OLFML2A: variants seen among roughly 807,000 people sequenced by gnomAD.
OLFML2A encodes olfactomedin-like protein 2A.
In OLFML2A, 47 loss-of-function variants were observed where a neutral mutation model predicts 60.9. That is an observed-to-expected ratio of 0.77 (90% CI 0.61 to 0.98). OLFML2A has a LOEUF of 0.98. Among genes scored for constraint, OLFML2A ranks in the 50% least tolerant of loss-of-function variants. The pLI is 0.00. For synonymous variants in OLFML2A, 372 were observed against 375.0 expected (o/e 0.99, Z 0.09); for missense variants, 922 against 879.8 (o/e 1.05, Z -0.61).
chr9:124,791,810 T>C (rs1215213065), intron 2 of OLFML2A, among the ~76,000 whole-genome samples: 2 of 152,154 alleles, frequency 1.3e-5, no homozygotes, highest in Admixed American at 6.5e-5. Context: ...TAGTGTTTTA[T>C]TGTGAGAGTC....
intron 6 of OLFML2A, among the ~76,000 whole-genome samples, chr9:124,805,915 A>G (rs1841889951): frequency 6.8e-6 from 1 of 147,448 alleles, no homozygotes. Context: ...TCCTGAGCTC[A>G]AGAGATTCTC....
chr9:124,778,587 G>A (rs1841302653), intron 1 of OLFML2A, among the ~76,000 whole-genome samples: 1 of 150,298 alleles, frequency 6.7e-6, no homozygotes, highest in Non-Finnish European at 1.5e-5. Flanking sequence ...AGTGGCACAA[G>A]ACCAGTCTAG....
chr9:124,803,979 G>T, intron 5 of OLFML2A, 115 bp from the exon 6 acceptor site: 1 of 1,189,078 alleles, frequency 8.4e-7, no homozygotes, highest in East Asian at 2.5e-5. Context: ...GCCCTGAGGA[G>T]GCCTCCCCCT....
intron 5 of OLFML2A, among the ~76,000 whole-genome samples, chr9:124,803,592 C>T (rs1841825269): frequency 6.6e-6 from 1 of 152,236 alleles, no homozygotes. Flanking sequence ...CATGCCGTCT[C>T]ATTTGATTCT....
chr9:124,787,313 C>CCT, intron 2 of OLFML2A, 75 bp downstream of exon 2: 1 of 1,431,978 alleles, frequency 7.0e-7, no homozygotes, highest in Non-Finnish European at 9.7e-7. Flanking sequence ...AGTGAAAATT[C>CCT]CACACACTCT....
At chr9:124,778,365 A>T (rs1320684499) in intron 1 of OLFML2A, among the ~76,000 whole-genome samples, 1 of 149,912 alleles carries the variant, frequency 6.7e-6, no homozygotes, top group Non-Finnish European at 1.5e-5. Context: ...CGTGTCAAAA[A>T]AAAAAAGAAA....
chr9:124,792,707 G>A (rs1841590925), intron 2 of OLFML2A, among the ~76,000 whole-genome samples: 2 of 152,166 alleles, frequency 1.3e-5, no homozygotes, highest in Admixed American at 6.5e-5. Context: ...GAGTGAAGCT[G>A]GGATCTTCCC....
Position 124,779,973 on chromosome 9 carries a change from CA to C in OLFML2A, c.90+2614del, listed in dbSNP as rs1344868328. 1.1e-4 allele frequency among the ~76,000 whole-genome samples: 16 copies of C among 152,360 alleles called. No individual in the cohort carries two copies. Among genetic ancestry groups the C allele is most frequent in the African/African-American group, 3.4e-4 (14 of 41,586 alleles). ...GGGAGCTCTAGTCTGCCCTCTGGCC[CA>C]GCACATTCAGGGGTCCAGGGCAGCT... On this transcript the variant is annotated intron_variant, in intron 1 of 7. Coordinates refer to ENST00000373580, the MANE Select transcript of OLFML2A (RefSeq NM_182487.4). The surrounding 1 kb of genome is among the most constrained non-coding windows in gnomAD (Gnocchi z 4.1).
At chr9:124,808,599 G>C (rs1337274348) in intron 7 of OLFML2A, among the ~76,000 whole-genome samples, 3 of 152,146 alleles carry the variant, frequency 2.0e-5, no homozygotes, top group Non-Finnish European at 4.4e-5. Context: ...GGGGCTATGG[G>C]AACCCAGCCT....
intron 2 of OLFML2A, among the ~76,000 whole-genome samples, chr9:124,793,971 C>T (rs1054232263): frequency 6.6e-6 from 1 of 152,022 alleles, no homozygotes; most frequent in Non-Finnish European, 1.5e-5. Context: ...CTCAGTAGTT[C>T]GAGGCTGCAG....
rs1002025294 is a variant in OLFML2A at position 124,806,894 on chromosome 9, C to A, written c.1169-887C>A. 7.9e-5 allele frequency among the ~76,000 whole-genome samples: 12 copies of A among 152,128 alleles called. No individual in the cohort carries two copies. In the South Asian group the frequency reaches 2.3e-3, roughly 29 times the overall value. ...AACTGCTGGGATTACAGGCATGAGCCACCGCGCCCAGCCAATTTTTATTTA... is the reference window on the plus strand; with the variant it reads ...AACTGCTGGGATTACAGGCATGAGCAACCGCGCCCAGCCAATTTTTATTTA... On this transcript the variant is annotated intron_variant, in intron 6 of 7. Coordinates refer to ENST00000373580, the MANE Select transcript of OLFML2A (RefSeq NM_182487.4).
intron 6 of OLFML2A, among the ~76,000 whole-genome samples, chr9:124,805,814 T>TTG (rs1271420443): frequency 0.015 from 1,996 of 129,016 alleles, 63 homozygotes; most frequent in African/African-American, 0.058. Flanking sequence ...TTTGGTTTTT[T>TTG]TTTTTTTTTT....
rs972068126 is a variant in OLFML2A at position 124,777,253 on chromosome 9, T to C, written c.-18T>C. ...GCGTCCGTGCCCGGCCGCCTGTGCCTACCGTGCCCGTGGCGCCATGGCCGC... is the reference window on the plus strand; with the variant it reads ...GCGTCCGTGCCCGGCCGCCTGTGCCCACCGTGCCCGTGGCGCCATGGCCGC... On this transcript the variant is annotated 5_prime_UTR_variant, in exon 1 of 8. Transcript: ENST00000373580. This position sits in a 1 kb window ranked among gnomAD's most constrained non-coding sequence, Gnocchi z 6.2. The C allele has an allele frequency of 9.4e-7, 1 of 1,063,060 alleles. No individual in the cohort carries two copies. Among genetic ancestry groups the C allele is most frequent in the African/African-American group, 1.7e-5 (1 of 60,456 alleles). 65.9% of individuals were successfully genotyped at this position (1,063,060 alleles called of 1,614,324 possible).
chr9:124,808,096 C>G, intron 7 of OLFML2A, 130 bp downstream of exon 7: 1 of 701,594 alleles, frequency 1.4e-6, no homozygotes, highest in Non-Finnish European at 2.4e-6. Flanking sequence ...GATTGTTAGC[C>G]ACCCCAAGGA....
At chr9:124,785,706 T>C (rs983270829) in intron 1 of OLFML2A, among the ~76,000 whole-genome samples, 3 of 152,134 alleles carry the variant, frequency 2.0e-5, no homozygotes, top group Non-Finnish European at 4.4e-5. Context: ...GGCCTTTGGA[T>C]ACCCATTTTC....
At chr9:124,801,796 C>A (rs1841784595) in intron 5 of OLFML2A, 133 bp downstream of exon 5, 4 of 1,008,014 alleles carry the variant, frequency 4.0e-6, no homozygotes, top group Non-Finnish European at 5.8e-6. Flanking sequence ...GCCCTCTGCT[C>A]ATTCACATAT....
intron 4 of OLFML2A, chr9:124,800,752 A>G (rs1227880980): frequency 4.7e-6 from 5 of 1,064,738 alleles, no homozygotes; most frequent in Non-Finnish European, 6.1e-6. Context: ...TACTTGCCGT[A>G]TCTGCTGGAG....
chr9:124,801,786 G>T lies in OLFML2A; in HGVS notation c.919+123G>T. On this transcript the variant is annotated intron_variant, in intron 5 of 7. Transcript: ENST00000373580. ...TCCACCCATTGATTACCTGTTGGGT[G>T]CCCTCTGCTCATTCACATATGAGGA... 2.7e-6 allele frequency: 3 copies of T among 1,104,698 alleles called. No individual in the cohort carries two copies. The African/African-American group carries it at 4.7e-5, about 17-fold the overall frequency. 68.4% of individuals were successfully genotyped at this position (1,104,698 alleles called of 1,614,324 possible).
chr9:124,779,925 C>G lies in OLFML2A; in HGVS notation c.90+2565C>G, dbSNP rs1841330606. Among the ~76,000 whole-genome samples the G allele has an allele frequency of 6.6e-6, 1 of 152,210 alleles. No homozygotes were observed. The highest frequency in any genetic ancestry group is 1.5e-5 in the Non-Finnish European group (1 of 68,046). On this transcript the variant is annotated intron_variant, in intron 1 of 7. Coordinates refer to ENST00000373580, the MANE Select transcript of OLFML2A (RefSeq NM_182487.4). The surrounding 1 kb of genome is among the most constrained non-coding windows in gnomAD (Gnocchi z 4.1). ...TAGGGCCCTAAAGGGTTAAGTTGGC[C>G]CCTCCTTGGGCTTCCTGTTCCTGGG... is the stretch of plus-strand genomic sequence containing the variant.
Sources: gnomAD v4.1 joint callset for allele counts (sites outside exome capture counted in the v4.1 genomes callset) on GRCh38, gnomAD v4.1.1 for gene constraint, Gnocchi (gnomAD v3.1) non-coding constraint, MANE v1.5 for transcripts, NCBI Gene and HGNC (gene_info 2026-07-23, HGNC 2026-07-21) for gene names.